Variants in KCNQ1 observed in about 807,000 individuals in gnomAD.
The protein encoded by KCNQ1 is potassium voltage-gated channel subfamily KQT member 1.
Under a neutral mutation model 72.4 loss-of-function variants are expected in KCNQ1, and 49 were observed. The observed-to-expected ratio is 0.68, with a 90% CI of 0.54 to 0.86. KCNQ1 has a LOEUF of 0.86. Ranked by LOEUF, KCNQ1 falls within the 40% of genes least tolerant of loss-of-function variation. The probability of loss-of-function intolerance (pLI) is 0.00; values close to 1 mark genes in which losing one functional copy is unlikely to be tolerated. For synonymous variants in KCNQ1, 450 were observed against 412.6 expected (o/e 1.09, Z -1.10); for missense variants, 790 against 945.1 (o/e 0.84, Z 2.15).
chr11:2,514,397 G>A (rs1256741414), intron 1 of KCNQ1, among the ~76,000 whole-genome samples: 1 of 152,188 alleles, frequency 6.6e-6, no homozygotes, highest in Non-Finnish European at 1.5e-5. Flanking sequence ...TGCCCTTGAC[G>A]CATTCCCATG....
At position 2,602,208 on chromosome 11, in the gene KCNQ1, C is replaced by A. The variant is rs568686122; in HGVS notation, c.1393+13354C>A. Among the ~76,000 whole-genome samples the A allele has an allele frequency of 4.6e-5, 7 of 152,006 alleles. No homozygotes were observed. Among genetic ancestry groups the A allele is most frequent in the Non-Finnish European group, 1.0e-4 (7 of 67,966 alleles). ...CTCCCCTGAAGCCTCCAGAAGGAAC[C>A]AGCCCTGCTGACACCTTGATTTTTC... On this transcript the variant is annotated intron_variant, in intron 10 of 15. Transcript: ENST00000155840. The surrounding 1 kb of genome is among the most constrained non-coding windows in gnomAD (Gnocchi z 4.8).
At chr11:2,521,929 G>GGCC (rs2133637311) in intron 1 of KCNQ1, among the ~76,000 whole-genome samples, 1 of 152,362 alleles carries the variant, frequency 6.6e-6, no homozygotes, top group Admixed American at 6.5e-5. Context: ...GTTAGCCCCA[G>GGCC]GCCATCTGAG....
At chr11:2,518,025 C>T (rs1291042777) in intron 1 of KCNQ1, among the ~76,000 whole-genome samples, 1 of 152,240 alleles carries the variant, frequency 6.6e-6, no homozygotes, top group Non-Finnish European at 1.5e-5. Flanking sequence ...ATGGAGGAGG[C>T]GGCACTGAGA....
chr11:2,812,032 C>T (rs994466935), intron 15 of KCNQ1, among the ~76,000 whole-genome samples: 4 of 152,118 alleles, frequency 2.6e-5, no homozygotes, highest in South Asian at 2.1e-4. Context: ...CTGGCACCGC[C>T]GGCCACCCCT....
At chr11:2,643,845 C>T (rs770361058) in intron 10 of KCNQ1, 9 of 398,506 alleles carry the variant, frequency 2.3e-5, no homozygotes, top group East Asian at 7.1e-5. Context: ...TCATTTCTGA[C>T]GAATATAACT....
chr11:2,847,775 G>A lies in KCNQ1; in HGVS notation c.1803G>A (p.Gln601=), dbSNP rs1848361293. 3 of 1,573,710 alleles carry A rather than the reference G, an allele frequency of 1.9e-6. No individual in the cohort carries two copies. The highest frequency in any genetic ancestry group is 2.6e-6 in the Non-Finnish European group (3 of 1,159,130). The change falls in exon 16 of 16, where the codon CAG becomes CAA. Residue 601 remains glutamine (Q), a synonymous_variant. Coordinates refer to ENST00000155840, the MANE Select transcript of KCNQ1 (RefSeq NM_000218.3). ...TGCCTTTGTCCCCGCAGGTGACGCA[G>A]CTGGACCAGAGGCTGGCACTCATCA... ...RLNRVEDKVT[Q]LDQRLALITD...
intron 1 of KCNQ1, among the ~76,000 whole-genome samples, chr11:2,525,622 C>A (rs71473708): frequency 6.6e-6 from 1 of 152,222 alleles, no homozygotes; most frequent in East Asian, 1.9e-4. Context: ...GCAGCCAGCG[C>A]TTTGGGCAGG....
intron 1 of KCNQ1, among the ~76,000 whole-genome samples, chr11:2,520,087 G>A (rs1042343788): frequency 6.6e-6 from 1 of 152,250 alleles, no homozygotes; most frequent in African/African-American, 2.4e-5. Flanking sequence ...TGGCATTCCT[G>A]CCTCAGGACC....
rs1849157761 is a variant in KCNQ1 at position 2,620,864 on chromosome 11, A to C, written c.1393+32010A>C. 5.0e-6 allele frequency: 2 copies of C among 396,078 alleles called. No individual in the cohort carries two copies. Among genetic ancestry groups the C allele is most frequent in the Non-Finnish European group, 8.9e-6 (2 of 225,628 alleles). The allele number at this position is 396,078 out of a possible 1,614,324, so 24.5% of individuals were successfully genotyped here. A position where few individuals can be genotyped will look rare whatever the true frequency, so the allele number is the denominator to read the frequency against. ...CTTCCCAGCAACTTTTATTTTTTTGACTTTTTAATAATTGCCATTCTGACT... is the reference window on the plus strand; with the variant it reads ...CTTCCCAGCAACTTTTATTTTTTTGCCTTTTTAATAATTGCCATTCTGACT... On this transcript the variant is annotated intron_variant, in intron 10 of 15. Coordinates refer to ENST00000155840, the MANE Select transcript of KCNQ1 (RefSeq NM_000218.3). This position sits in a 1 kb window ranked among gnomAD's most constrained non-coding sequence, Gnocchi z 4.5.
intron 11 of KCNQ1, among the ~76,000 whole-genome samples, chr11:2,702,219 G>T (rs1051297649): frequency 2.6e-5 from 4 of 152,242 alleles, no homozygotes; most frequent in Non-Finnish European, 5.9e-5. Context: ...TCCCACTCAT[G>T]TGGGGTTTAC....
At position 2,624,981 on chromosome 11, in the gene KCNQ1, T is replaced by C. The variant is rs1379547832; in HGVS notation, c.1393+36127T>C. The C allele has an allele frequency of 2.5e-6, 1 of 398,464 alleles. No homozygotes were observed. The highest frequency in any genetic ancestry group is 2.1e-5 in the African/African-American group (1 of 48,624). The allele number at this position is 398,464 out of a possible 1,614,324, so 24.7% of individuals were successfully genotyped here. A position where few individuals can be genotyped will look rare whatever the true frequency, so the allele number is the denominator to read the frequency against. On this transcript the variant is annotated intron_variant, in intron 10 of 15. Transcript: ENST00000155840. The surrounding 1 kb of genome is among the most constrained non-coding windows in gnomAD (Gnocchi z 4.9). Reference sequence around the variant, plus strand: ...TATATACCACATTTTGCTTATCCATTCTTCCATGGACATTTGGGTTGCATT... The same window carrying C: ...TATATACCACATTTTGCTTATCCATCCTTCCATGGACATTTGGGTTGCATT...
rs544639895 is a variant in KCNQ1 at position 2,627,197 on chromosome 11, T to G, written c.1394-34764T>G. On this transcript the variant is annotated intron_variant, in intron 10 of 15. Transcript: ENST00000155840. This position sits in a 1 kb window ranked among gnomAD's most constrained non-coding sequence, Gnocchi z 4.9. The stretch of plus-strand genomic sequence containing the variant: ...ATGCTTTTTTCAGCTTTTATTGAGG[T>G]ATAATTGACAAATTAAAAGTGCATA... 2.5e-6 allele frequency: 1 copy of G among 398,544 alleles called. No homozygotes were observed. The highest frequency in any genetic ancestry group is 1.3e-4 in the South Asian group (1 of 7,858). The allele number at this position is 398,544 out of a possible 1,614,324, so 24.7% of individuals were successfully genotyped here. A position where few individuals can be genotyped will look rare whatever the true frequency, so the allele number is the denominator to read the frequency against.
At position 2,494,214 on chromosome 11, in the gene KCNQ1, C is replaced by T. The variant is rs1589911330; in HGVS notation, c.387-33714C>T. On this transcript the variant is annotated intron_variant, in intron 1 of 15. Transcript: ENST00000155840. The surrounding 1 kb of genome is among the most constrained non-coding windows in gnomAD (Gnocchi z 4.6). ...ATTGATTTTGTATCCCAAGACTTTG[C>T]TGAAGTTGGCTATCAGCTTAAGGAG... Among the ~76,000 whole-genome samples the T allele has an allele frequency of 6.6e-6, 1 of 152,298 alleles. No individual in the cohort carries two copies. Among genetic ancestry groups the T allele is most frequent in the East Asian group, 1.9e-4 (1 of 5,180 alleles).
At chr11:2,838,220 C>T (rs1351684805) in intron 15 of KCNQ1, among the ~76,000 whole-genome samples, 3 of 152,232 alleles carry the variant, frequency 2.0e-5, no homozygotes, top group African/African-American at 7.2e-5. Context: ...CCTCACGTGG[C>T]TCACAGCCAC....
intron 15 of KCNQ1, among the ~76,000 whole-genome samples, chr11:2,814,605 T>G: frequency 1.4e-5 from 2 of 139,416 alleles, no homozygotes; most frequent in Non-Finnish European, 3.1e-5. Context: ...GGTGGATGGG[T>G]AGATGGATGG....
intron 15 of KCNQ1, among the ~76,000 whole-genome samples, chr11:2,836,067 G>A (rs234864): frequency 0.55 from 82,626 of 149,150 alleles, 22,540 homozygotes; most frequent in East Asian, 0.65. Context: ...GGGGTGCCCC[G>A]TGGCGTGGCG....
rs912471450 is a variant in KCNQ1 at position 2,826,318 on chromosome 11, A to G, written c.1795-21449A>G. 2.0e-5 allele frequency among the ~76,000 whole-genome samples: 3 copies of G among 152,246 alleles called. No homozygotes were observed. Among genetic ancestry groups the G allele is most frequent in the African/African-American group, 4.8e-5 (2 of 41,466 alleles). On this transcript the variant is annotated intron_variant, in intron 15 of 15. Transcript: ENST00000155840. The surrounding 1 kb of genome is among the most constrained non-coding windows in gnomAD (Gnocchi z 4.2). Reference sequence around the variant, plus strand: ...GGGTTGGGGGCGGGGAGGGCAGGTTAACCCTTCGGGCTCCAGTATTCCCCA... The same window carrying G: ...GGGTTGGGGGCGGGGAGGGCAGGTTGACCCTTCGGGCTCCAGTATTCCCCA...
At chr11:2,636,596 A>C (rs1376703247) in intron 10 of KCNQ1, 1 of 152,074 alleles carries the variant, frequency 6.6e-6, no homozygotes, top group African/African-American at 2.4e-5. Context: ...CCAGTATTTT[A>C]TTGAGGATTT....
intron 1 of KCNQ1, among the ~76,000 whole-genome samples, chr11:2,487,633 A>G (rs1247951866): frequency 6.6e-6 from 1 of 152,140 alleles, no homozygotes; most frequent in East Asian, 1.9e-4. Flanking sequence ...GCTATTATAA[A>G]TTAAATTGTT....
Sources: gnomAD v4.1 joint callset for allele counts (sites outside exome capture counted in the v4.1 genomes callset) on GRCh38, gnomAD v4.1.1 for gene constraint, Gnocchi (gnomAD v3.1) non-coding constraint, MANE v1.5 for transcripts, NCBI Gene and HGNC (gene_info 2026-07-23, HGNC 2026-07-21) for gene names.